SLC4A5: variants seen among roughly 807,000 people sequenced by gnomAD.
The protein encoded by SLC4A5 is solute carrier family 4 member 5.
Under a neutral mutation model 120.4 loss-of-function variants are expected in SLC4A5, and 96 were observed. The ratio of observed to expected loss-of-function variants is 0.80; its 90% confidence interval spans 0.68 to 0.94. The LOEUF (loss-of-function observed/expected upper bound fraction) is 0.94, where lower values mean the gene tolerates loss of function less well. SLC4A5 is among the 40% of genes least tolerant of loss of function. SLC4A5 has a pLI of 0.00. For synonymous variants in SLC4A5, 550 were observed against 571.1 expected (o/e 0.96, Z 0.53); for missense variants, 1,259 against 1,459.5 (o/e 0.86, Z 2.24).
chr2:74,332,875 C>T (rs3755440), intron 4 of SLC4A5, among the ~76,000 whole-genome samples: 18,643 of 152,146 alleles, frequency 0.12, 1,534 homozygotes, highest in East Asian at 0.47. Flanking sequence ...GAAGATATGG[C>T]TACCCCTTTT....
At chr2:74,275,344 A>C (rs1225986124) in intron 8 of SLC4A5, among the ~76,000 whole-genome samples, 1 of 152,244 alleles carries the variant, frequency 6.6e-6, no homozygotes, top group Non-Finnish European at 1.5e-5. Context: ...AGACAAAGTT[A>C]CTGAAAAATT....
At chr2:74,311,726 G>A (rs1021440832) in intron 6 of SLC4A5, among the ~76,000 whole-genome samples, 12 of 151,900 alleles carry the variant, frequency 7.9e-5, no homozygotes, top group African/African-American at 2.7e-4. Context: ...CCCAGAATGT[G>A]GTCTGTCTTG....
At chr2:74,247,413 A>G (rs987275718) in intron 18 of SLC4A5, 106 bp from the exon 19 acceptor site, 2 of 1,212,610 alleles carry the variant, frequency 1.6e-6, no homozygotes, top group Non-Finnish European at 2.3e-6. Context: ...TGTGGCACTG[A>G]TGCCCTCCCA....
intron 12 of SLC4A5, among the ~76,000 whole-genome samples, chr2:74,256,808 A>G (rs183902810): frequency 1.3e-5 from 2 of 152,220 alleles, no homozygotes; most frequent in East Asian, 3.9e-4. Flanking sequence ...CAGCAAGGGC[A>G]TGGACAGACA....
Position 74,255,624 on chromosome 2 carries a change from A to G in SLC4A5, c.1025+151T>C. The stretch of plus-strand genomic sequence containing the variant: ...GTTATTATTTTTAATAAACTCTAAA[A>G]CTCTTCCCTAGTCAGAAGATTTCCC... On this transcript the variant is annotated intron_variant, in intron 13 of 30. Transcript: ENST00000394019. The surrounding 1 kb of genome is among the most constrained non-coding windows in gnomAD (Gnocchi z 4.0). 1.1e-6 allele frequency: 1 copy of G among 914,796 alleles called. No individual in the cohort carries two copies. Among genetic ancestry groups the G allele is most frequent in the East Asian group, 2.7e-5 (1 of 37,032 alleles). 56.7% of individuals were successfully genotyped at this position (914,796 alleles called of 1,614,324 possible).
At chr2:74,338,429 G>T (rs2104356326) in intron 3 of SLC4A5, among the ~76,000 whole-genome samples, 1 of 152,322 alleles carries the variant, frequency 6.6e-6, no homozygotes, top group Admixed American at 6.5e-5. Context: ...CAGTGAGAGA[G>T]GAGGGCAATG....
At position 74,264,565 on chromosome 2, in the gene SLC4A5, T is replaced by G. The variant is rs1422713416; in HGVS notation, c.563-266A>C. ...TTCTTATGAAAAGTGAAATAAACAG[T>G]ACATATGAAACTGCCCCAGGAGGCA... On this transcript the variant is annotated intron_variant, in intron 9 of 30. Transcript: ENST00000394019. 2.0e-5 allele frequency among the ~76,000 whole-genome samples: 3 copies of G among 151,350 alleles called. No individual in the cohort carries two copies. In the East Asian group the frequency reaches 5.9e-4, roughly 30 times the overall value.
chr2:74,254,623 T>TC lies in SLC4A5; in HGVS notation c.1108dup (p.Asp370GlyfsTer2). Reference sequence around the variant, plus strand: ...AAGCTTCTGGTTACCACTTACATCATCTACCATGAGGGTTGCAATGGCACG... The same window carrying TC: ...AAGCTTCTGGTTACCACTTACATCATCCTACCATGAGGGTTGCAATGGCACG... On this transcript the variant is annotated frameshift_variant, in exon 14 of 31. Coordinates refer to ENST00000394019, the Ensembl canonical transcript of SLC4A5. LOFTEE classifies it high-confidence loss of function. 1 of 1,613,828 alleles carries TC rather than the reference T, an allele frequency of 6.2e-7. No homozygotes were observed. Among genetic ancestry groups the TC allele is most frequent in the Non-Finnish European group, 8.5e-7 (1 of 1,179,788 alleles).
chr2:74,329,559 A>G (rs1471661662), intron 4 of SLC4A5, among the ~76,000 whole-genome samples: 2 of 152,154 alleles, frequency 1.3e-5, no homozygotes, highest in Non-Finnish European at 1.5e-5. Flanking sequence ...ACTGCACTCC[A>G]GCCTGGGCAA....
rs760529491 is a variant in SLC4A5 at position 74,296,786 on chromosome 2, C to CACAA, written c.271+7702_271+7703insTTGT. Reference sequence around the variant, plus strand: ...TGGGTGACGGAGCAAGACTCTGTCTCAAAAAAAAAAAAAAAAAAAAGAAAG... The same window carrying CACAA: ...TGGGTGACGGAGCAAGACTCTGTCTCACAAAAAAAAAAAAAAAAAAAAAAGAAAG... On this transcript the variant is annotated intron_variant, in intron 7 of 30. Coordinates refer to ENST00000394019, the Ensembl canonical transcript of SLC4A5. Among the ~76,000 whole-genome samples, 7 of 73,038 alleles carry CACAA rather than the reference C, an allele frequency of 9.6e-5. No individual in the cohort carries two copies. The East Asian group carries it at 2.0e-3, about 21-fold the overall frequency. 47.9% of individuals were successfully genotyped at this position (73,038 alleles called of 152,430 possible).
exon 15 of SLC4A5, chr2:74,253,074 T>A (rs142363748): frequency 3.3e-5 from 53 of 1,614,080 alleles, no homozygotes; most frequent in Non-Finnish European, 3.4e-6. Context: ...AATTCATCAA[T>A]TCCTGCGATC....
intron 7 of SLC4A5, among the ~76,000 whole-genome samples, chr2:74,287,110 G>T (rs139062907): frequency 5.3e-5 from 8 of 152,254 alleles, no homozygotes; most frequent in African/African-American, 1.9e-4. Flanking sequence ...GGCCTCATCA[G>T]GTCTTCCCTT....
exon 21 of SLC4A5, chr2:74,239,359 T>C (rs1394943848): frequency 6.2e-7 from 1 of 1,614,034 alleles, no homozygotes; most frequent in Non-Finnish European, 8.5e-7. Flanking sequence ...AGCGGCTGAA[T>C]TTGAACTTCT....
intron 13 of SLC4A5, 29 bp from the exon 14 acceptor site, chr2:74,254,735 G>T: frequency 6.8e-7 from 1 of 1,470,366 alleles, no homozygotes; most frequent in Non-Finnish European, 9.5e-7. Context: ...AGGAGACAGA[G>T]AAGATTAAGG....
Position 74,259,650 on chromosome 2 carries a change from G to A in SLC4A5, c.812-7C>T. On this transcript the variant is annotated splice_polypyrimidine_tract_variant and splice_region_variant and intron_variant, in intron 11 of 30. Coordinates refer to ENST00000394019, the Ensembl canonical transcript of SLC4A5. ...CTTCTGCTCTGGGCATGACCTAGGA[G>A]AAAAGGAAAAGAAGATCCATCAGGG... 6.2e-7 allele frequency: 1 copy of A among 1,614,132 alleles called. No homozygotes were observed. The highest frequency in any genetic ancestry group is 8.5e-7 in the Non-Finnish European group (1 of 1,179,986).
chr2:74,253,365 G>GCTTGTAGGACTTCGGTTA (rs1670854200), intron 14 of SLC4A5, among the ~76,000 whole-genome samples: 1 of 152,204 alleles, frequency 6.6e-6, no homozygotes, highest in African/African-American at 2.4e-5. Context: ...CCATATTCTT[G>GCTTGTAGGACTTCGGTTA]CTTGTAGGAC....
At chr2:74,274,921 T>A (rs1244824163) in intron 8 of SLC4A5, among the ~76,000 whole-genome samples, 1 of 152,192 alleles carries the variant, frequency 6.6e-6, no homozygotes, top group Non-Finnish European at 1.5e-5. Context: ...TTTAATAGAC[T>A]TAGGATGATC....
At chr2:74,260,494 C>T (rs1671101068) in intron 11 of SLC4A5, among the ~76,000 whole-genome samples, 1 of 152,170 alleles carries the variant, frequency 6.6e-6, no homozygotes, top group South Asian at 2.1e-4. Flanking sequence ...CTCTTCTGAG[C>T]TGCAGACTCC....
At chr2:74,326,875 G>A (rs560701040) in intron 5 of SLC4A5, among the ~76,000 whole-genome samples, 4 of 152,080 alleles carry the variant, frequency 2.6e-5, no homozygotes, top group Admixed American at 6.5e-5. Context: ...ACACACAGGG[G>A]TCCTTGCCCA....
Sources: gnomAD v4.1 joint callset for allele counts (sites outside exome capture counted in the v4.1 genomes callset) on GRCh38, gnomAD v4.1.1 for gene constraint, Gnocchi (gnomAD v3.1) non-coding constraint, MANE v1.5 for transcripts, NCBI Gene and HGNC (gene_info 2026-07-23, HGNC 2026-07-21) for gene names.